Variants in HEATR5B observed in about 807,000 individuals in gnomAD.
HEATR5B encodes the protein HEAT repeat containing 5B.
HEATR5B carries 156 observed loss-of-function variants against 224.1 expected under a neutral mutation model. That is an observed-to-expected ratio of 0.70 (90% CI 0.61 to 0.80). The LOEUF is 0.80. Ranked by LOEUF, HEATR5B falls within the 30% of genes least tolerant of loss-of-function variation. HEATR5B has a pLI of 0.00. For missense variants in HEATR5B, 2,323 were observed against 2,535.5 expected (o/e 0.92, Z 1.80); for synonymous variants, 1,027 against 893.0 (o/e 1.15, Z -2.68).
intron 16 of HEATR5B, among the ~76,000 whole-genome samples, chr2:37,056,209 T>A (rs1460836243): frequency 6.6e-6 from 1 of 152,104 alleles, no homozygotes; most frequent in East Asian, 1.9e-4. Flanking sequence ...ACAACAGATA[T>A]CAGATGCTAG....
At position 36,985,501 on chromosome 2, in the gene HEATR5B, A is replaced by T. The variant is rs1243094863; in HGVS notation, c.5911+3145T>A. 2.2e-5 allele frequency among the ~76,000 whole-genome samples: 3 copies of T among 134,992 alleles called. No homozygotes were observed. The East Asian group carries it at 6.7e-4, about 30-fold the overall frequency. The allele number at this position is 134,992 out of a possible 152,430, so 88.6% of individuals were successfully genotyped here. ...GAGACAGAGTCTCACTCTGTTGCCC[A>T]GGCTGGAGTGCAGTGGTGTGATCTC... On this transcript the variant is annotated intron_variant, in intron 35 of 35. Coordinates refer to ENST00000233099, the MANE Select transcript of HEATR5B (RefSeq NM_019024.3).
chr2:37,049,851 A>T lies in HEATR5B; in HGVS notation c.2506-8T>A, dbSNP rs762238195. 83 of 130,678 alleles carry T rather than the reference A, an allele frequency of 6.4e-4. No individual in the cohort carries two copies. Among genetic ancestry groups the T allele is most frequent in the Non-Finnish European group, 8.8e-4 (69 of 78,540 alleles). 8.1% of individuals were successfully genotyped at this position (130,678 alleles called of 1,614,324 possible). A position where few individuals can be genotyped will look rare whatever the true frequency, so the allele number is the denominator to read the frequency against. ...TTTGTTTTCAGCTAAGCCCTACATT[A>T]AAAAAAAAAAAAAAAAAAAGACAGC... On this transcript the variant is annotated splice_polypyrimidine_tract_variant and splice_region_variant and intron_variant, in intron 17 of 35. Coordinates refer to ENST00000233099, the MANE Select transcript of HEATR5B (RefSeq NM_019024.3).
intron 30 of HEATR5B, among the ~76,000 whole-genome samples, chr2:37,004,920 T>C (rs1353707292): frequency 1.3e-5 from 2 of 152,168 alleles, no homozygotes; most frequent in East Asian, 3.8e-4. Flanking sequence ...CCTCCCTGTC[T>C]CCCTTCCCAT....
chr2:37,011,219 G>C (rs767672930), intron 27 of HEATR5B, among the ~76,000 whole-genome samples: 1 of 152,162 alleles, frequency 6.6e-6, no homozygotes, highest in African/African-American at 2.4e-5. Flanking sequence ...CGTTTTTAAG[G>C]ACAAAAGTTG....
Position 37,032,688 on chromosome 2 carries a change from A to G in HEATR5B, c.3302T>C (p.Val1101Ala). 2 of 1,614,070 alleles carry G rather than the reference A, an allele frequency of 1.2e-6. No homozygotes were observed. Among genetic ancestry groups the G allele is most frequent in the Non-Finnish European group, 1.7e-6 (2 of 1,180,002 alleles). Residue 1101 changes from valine to alanine, a missense_variant, in exon 22 of 36, where the codon GTA becomes GCA. Physicochemically the swap from Val to Ala is moderately conservative, Grantham distance 64. Transcript: ENST00000233099. ...RQLAQREAAEVCEYAMSLAKN... is the reference protein window; with the variant it reads ...RQLAQREAAEACEYAMSLAKN... ...TGCCAGGCTCATGGCATATTCACAT[A>G]CTTCCGCTGCTTCTCTTTGTGCAAG...
intron 30 of HEATR5B, 50 bp from the exon 31 acceptor site, chr2:37,003,736 T>C (rs1224152499): frequency 7.7e-7 from 1 of 1,306,476 alleles, no homozygotes; most frequent in Non-Finnish European, 1.0e-6. Flanking sequence ...TCTCAAAGAA[T>C]AACTTTATAT....
chr2:36,996,764 G>T (rs13420719), intron 33 of HEATR5B, among the ~76,000 whole-genome samples: 1 of 151,588 alleles, frequency 6.6e-6, no homozygotes, highest in African/African-American at 2.4e-5. Flanking sequence ...AGCTAATTTT[G>T]TATTTTTAGT....
At chr2:37,054,988 T>C in intron 16 of HEATR5B, 1 of 238,608 alleles carries the variant, frequency 4.2e-6, no homozygotes, top group Non-Finnish European at 8.9e-6. Context: ...GTCAAAGCAT[T>C]ATTCAAAACT....
At chr2:37,072,574 C>T (rs1423647363) in intron 5 of HEATR5B, among the ~76,000 whole-genome samples, 1 of 152,084 alleles carries the variant, frequency 6.6e-6, no homozygotes, top group African/African-American at 2.4e-5. Flanking sequence ...AAATCAATAA[C>T]CTCAGCTTCA....
chr2:37,069,281 A>G (rs1271695747), intron 7 of HEATR5B, among the ~76,000 whole-genome samples: 1 of 152,122 alleles, frequency 6.6e-6, no homozygotes, highest in African/African-American at 2.4e-5. Context: ...GAGCTATAAA[A>G]CCCTTACGTA....
chr2:36,999,998 C>T (rs908794150), intron 33 of HEATR5B, among the ~76,000 whole-genome samples: 30 of 151,342 alleles, frequency 2.0e-4, no homozygotes, highest in African/African-American at 4.9e-4. Flanking sequence ...GGTGACGGAG[C>T]GAGACTTTGT....
chr2:37,019,863 T>C lies in HEATR5B; in HGVS notation c.4050A>G (p.Leu1350=), dbSNP rs144146553. 164 of 1,606,968 alleles carry C rather than the reference T, an allele frequency of 1.0e-4. No homozygotes were observed. The highest frequency in any genetic ancestry group is 8.0e-5 in the Non-Finnish European group (94 of 1,175,984). The change falls in exon 26 of 36, where the codon CTA becomes CTG. Residue 1350 remains leucine (L), a synonymous_variant. Coordinates refer to ENST00000233099, the MANE Select transcript of HEATR5B (RefSeq NM_019024.3). ...GTGTATCTTGTGAAAAGGCTGGTCTTAGAGCAGCTCCCACCTAGAAAAATA... is the reference window on the plus strand; with the variant it reads ...GTGTATCTTGTGAAAAGGCTGGTCTCAGAGCAGCTCCCACCTAGAAAAATA... ...EQYQANVGAA[L]RPAFSQDTPS... is the part of the protein sequence containing the mutation.
chr2:37,047,111 A>C (rs1391389701), intron 18 of HEATR5B, among the ~76,000 whole-genome samples: 4 of 148,736 alleles, frequency 2.7e-5, no homozygotes, highest in African/African-American at 9.9e-5. Flanking sequence ...CAAGAGGCTG[A>C]GGTGAGAGGG....
At chr2:37,045,338 T>C (rs1461129853) in intron 18 of HEATR5B, among the ~76,000 whole-genome samples, 1 of 143,766 alleles carries the variant, frequency 7.0e-6, no homozygotes, top group Non-Finnish European at 1.6e-5. Context: ...ATTATATTCC[T>C]TTAAATATTG....
At position 37,000,701 on chromosome 2, in the gene HEATR5B, T is replaced by C; in HGVS notation, c.5430A>G (p.Gln1810=). 2 of 1,614,208 alleles carry C rather than the reference T, an allele frequency of 1.2e-6. No individual in the cohort carries two copies. The highest frequency in any genetic ancestry group is 1.7e-6 in the Non-Finnish European group (2 of 1,180,022). The change falls in exon 33 of 36, where the codon CAA becomes CAG. Residue 1810 remains glutamine (Q), a synonymous_variant. Transcript: ENST00000233099. ...QVPPPVSAAL[Q]GIKSIVTLSM... is the part of the protein sequence containing the mutation. The stretch of plus-strand genomic sequence containing the variant: ...AAAGTGTCACAATACTTTTAATCCC[T>C]TGAAGAGCTGCACTGACTGGTGGAG...
At position 37,076,918 on chromosome 2, in the gene HEATR5B, C is replaced by T; in HGVS notation, c.440G>A (p.Ser147Asn). 6.2e-7 allele frequency: 1 copy of T among 1,609,784 alleles called. No individual in the cohort carries two copies. The highest frequency in any genetic ancestry group is 1.1e-5 in the South Asian group (1 of 90,992). ...ATTGGTTGTAAAACTTACCTCTGCA[C>T]TTTTCAGAGATTTCAATAGATTATT... ...TVNNLLKSLK[S>N]AESQGRSEIL... Residue 147 changes from serine (S) to asparagine (N), a missense_variant, in exon 4 of 36, where the codon AGT (serine) becomes AAT (asparagine). This residue lies in a region of HEATR5B where 292 missense variants were observed against 332.6 expected (regional missense o/e 0.88). Coordinates refer to ENST00000233099, the MANE Select transcript of HEATR5B (RefSeq NM_019024.3).
rs1315552549 is a variant in HEATR5B at position 36,981,491 on chromosome 2, TA to T, written c.6214del (p.Ter2072AsnfsTer3). On this transcript the variant is annotated frameshift_variant and stop_lost, in exon 36 of 36. Coordinates refer to ENST00000233099, the MANE Select transcript of HEATR5B (RefSeq NM_019024.3). LOFTEE classifies it high-confidence loss of function. ...PTIKLKTSFF* is the reference protein window; with the variant it reads ...PTIKLKTSFFX The stretch of plus-strand genomic sequence containing the variant: ...AATACAAATAAATGAAATTACAAAT[TA>T]AAAAAAACTTGTTTTTAGCTTAATT... The T allele has an allele frequency of 8.2e-6, 13 of 1,593,960 alleles. No homozygotes were observed. The highest frequency in any genetic ancestry group is 2.7e-5 in the African/African-American group (2 of 73,658).
rs867638628 is a variant in HEATR5B at position 37,005,698 on chromosome 2, T to C, written c.4839A>G (p.Ala1613=). ...RPEEPIEHVT[A]CLQALHTLLD... is the part of the protein sequence containing the mutation. ...GCAAGGTATGTAAGGCCTGCAGGCATGCTGTAACATGTTCAATGGGCTCCT... is the reference window on the plus strand; with the variant it reads ...GCAAGGTATGTAAGGCCTGCAGGCACGCTGTAACATGTTCAATGGGCTCCT... Residue 1613 remains alanine (A), a synonymous_variant, in exon 30 of 36, where the codon GCA becomes GCG. Coordinates refer to ENST00000233099, the MANE Select transcript of HEATR5B (RefSeq NM_019024.3). The C allele has an allele frequency of 7.4e-6, 12 of 1,611,506 alleles. No homozygotes were observed. Among genetic ancestry groups the C allele is most frequent in the Middle Eastern group, 1.6e-4 (1 of 6,078 alleles).
At position 37,065,865 on chromosome 2, in the gene HEATR5B, G is replaced by A. The variant is rs1000684855; in HGVS notation, c.1223C>T (p.Ala408Val). 2 of 1,613,526 alleles carry A rather than the reference G, an allele frequency of 1.2e-6. No homozygotes were observed. The highest frequency in any genetic ancestry group is 1.7e-6 in the Non-Finnish European group (2 of 1,179,570). The change falls in exon 9 of 36, where the codon GCA (alanine) becomes GTA (valine). Residue 408 changes from alanine to valine, a missense_variant. Transcript: ENST00000233099. Reference sequence around the variant, plus strand: ...CACATGCTGGCTTGCTGCAATGTCTGCTGCGCCAGATTTGTTTTCTCCACT... The same window carrying A: ...CACATGCTGGCTTGCTGCAATGTCTACTGCGCCAGATTTGTTTTCTCCACT... ...DTSGENKSGA[A>V]DIAASQHVMV...
Sources: allele counts gnomAD v4.1 joint callset (sites outside exome capture counted in the v4.1 genomes callset), GRCh38; gene constraint gnomAD v4.1.1; regional missense constraint gnomAD v4.1.1; transcripts MANE v1.5; gene names NCBI Gene and HGNC (gene_info 2026-07-23, HGNC 2026-07-21).